The following FBXO25 variants were observed in gnomAD, a reference collection of about 807,000 sequenced individuals.
FBXO25 encodes F-box only protein 25.
In FBXO25, 45 loss-of-function variants were observed where a neutral mutation model predicts 51.9. That is an observed-to-expected ratio of 0.87 (90% CI 0.68 to 1.11). The LOEUF is 1.11. Among genes scored for constraint, FBXO25 ranks in the 50% most tolerant of loss-of-function variants. FBXO25 has a pLI of 0.00. For missense variants in FBXO25, 507 were observed against 428.5 expected, an observed-to-expected ratio of 1.18 and a Z score of -1.62; for synonymous variants, 199 against 151.0, an observed-to-expected ratio of 1.32 and a Z score of -2.33.
chr8:420,694 C>G (rs1490263634), intron 2 of FBXO25, among the ~76,000 whole-genome samples: 2 of 152,230 alleles, frequency 1.3e-5, no homozygotes, highest in Non-Finnish European at 2.9e-5. Flanking sequence ...GGCGTCCATA[C>G]TGTATGATTC....
chr8:421,025 A>G (rs1395795925), intron 2 of FBXO25, among the ~76,000 whole-genome samples: 5 of 152,222 alleles, frequency 3.3e-5, no homozygotes, highest in African/African-American at 2.4e-5. Context: ...CCCCTAGGCC[A>G]TGGATCGGTA....
Position 468,363 on chromosome 8 carries a change from C to G in FBXO25, c.988-352C>G, listed in dbSNP as rs1420057884. 4 of 775,824 alleles carry G rather than the reference C, an allele frequency of 5.2e-6. No homozygotes were observed. In the East Asian group the frequency reaches 5.1e-4, roughly 99 times the overall value. The allele number at this position is 775,824 out of a possible 1,614,324, so 48.1% of individuals were successfully genotyped here. On this transcript the variant is annotated intron_variant, in intron 9 of 9. Coordinates refer to ENST00000350302, the MANE Select transcript of FBXO25 (RefSeq NM_183420.2). ...GACAGGACAAAGGAATGGCTGGGACCAGAGGACAGAAAGTCCCCAGTGGTT... is the reference window on the plus strand; with the variant it reads ...GACAGGACAAAGGAATGGCTGGGACGAGAGGACAGAAAGTCCCCAGTGGTT...
chr8:451,115 C>G (rs1293191740), intron 6 of FBXO25, 154 bp from the exon 7 acceptor site: 2 of 612,054 alleles, frequency 3.3e-6, no homozygotes, highest in Admixed American at 3.5e-5. Context: ...GAATTTCCCT[C>G]CTTTTTAGGG....
intron 2 of FBXO25, among the ~76,000 whole-genome samples, chr8:423,054 A>T (rs532802725): frequency 2.0e-5 from 3 of 152,340 alleles, no homozygotes; most frequent in Non-Finnish European, 4.4e-5. Flanking sequence ...GTAGCTGTCC[A>T]GTTACTGCAG....
chr8:446,851 G>T (rs1405890645), intron 5 of FBXO25, among the ~76,000 whole-genome samples: 1 of 152,106 alleles, frequency 6.6e-6, no homozygotes, highest in Non-Finnish European at 1.5e-5. Flanking sequence ...AATGTTATTT[G>T]TGGCTCAGTA....
intron 4 of FBXO25, among the ~76,000 whole-genome samples, chr8:434,429 G>C (rs1197839100): frequency 1.3e-5 from 2 of 152,176 alleles, no homozygotes; most frequent in East Asian, 1.9e-4. Context: ...CCTTTCCCCA[G>C]AGTTCCCAGG....
chr8:464,340 T>C (rs1800012421), intron 9 of FBXO25, among the ~76,000 whole-genome samples: 1 of 151,582 alleles, frequency 6.6e-6, no homozygotes, highest in African/African-American at 2.4e-5. Context: ...AACATGTTTA[T>C]GTTGTGAGAT....
intron 9 of FBXO25, chr8:467,869 C>A: frequency 6.3e-7 from 1 of 1,581,290 alleles, no homozygotes; most frequent in South Asian, 1.2e-5. Flanking sequence ...CTTGAGCTTT[C>A]TCAGGACCCT....
At chr8:460,567 G>C (rs1799744571) in intron 8 of FBXO25, among the ~76,000 whole-genome samples, 3 of 152,210 alleles carry the variant, frequency 2.0e-5, no homozygotes. Context: ...TAATATGGAA[G>C]GAAAAGTCAG....
At chr8:443,526 C>A (rs1324628583) in intron 5 of FBXO25, among the ~76,000 whole-genome samples, 1 of 151,250 alleles carries the variant, frequency 6.6e-6, no homozygotes, top group African/African-American at 2.4e-5. Context: ...AAAATGGTTC[C>A]CAAGAAAAGC....
At chr8:445,488 G>A (rs1426116913) in intron 5 of FBXO25, among the ~76,000 whole-genome samples, 2 of 152,160 alleles carry the variant, frequency 1.3e-5, no homozygotes, top group Non-Finnish European at 1.5e-5. Flanking sequence ...TTGGTCATGT[G>A]AGTTATATCT....
intron 9 of FBXO25, among the ~76,000 whole-genome samples, chr8:464,113 A>T (rs1170753374): frequency 1.3e-5 from 2 of 151,948 alleles, no homozygotes; most frequent in African/African-American, 2.4e-5. Context: ...GGACCAGCTG[A>T]TTTTGTTTGT....
At chr8:455,361 C>T (rs1408453705) in intron 7 of FBXO25, among the ~76,000 whole-genome samples, 4 of 152,146 alleles carry the variant, frequency 2.6e-5, no homozygotes, top group African/African-American at 7.2e-5. Flanking sequence ...GAAGAATGAA[C>T]TTGGGGATAC....
chr8:476,986 T>C lies in FBXO25; in HGVS notation c.*8182T>C, dbSNP rs1312534868. The stretch of plus-strand genomic sequence containing the variant: ...CTTTGACTGTACCTGTTTTTTTGTA[T>C]ATTACATTTTTCATTTACCACAAGA... On this transcript the variant is annotated 3_prime_UTR_variant, in exon 10 of 10. Transcript: ENST00000350302. 1 of 125,670 alleles carries C rather than the reference T, an allele frequency of 8.0e-6. No individual in the cohort carries two copies. Among genetic ancestry groups the C allele is most frequent in the Non-Finnish European group, 1.6e-5 (1 of 62,994 alleles). 7.8% of individuals were successfully genotyped at this position (125,670 alleles called of 1,614,324 possible).
intron 2 of FBXO25, among the ~76,000 whole-genome samples, chr8:418,694 T>A (rs1267965387): frequency 6.6e-6 from 1 of 152,168 alleles, no homozygotes; most frequent in Non-Finnish European, 1.5e-5. Context: ...TTCCCCTGTT[T>A]ACACTTCTAA....
At chr8:441,621 G>T (rs1444419532) in intron 5 of FBXO25, among the ~76,000 whole-genome samples, 1 of 152,126 alleles carries the variant, frequency 6.6e-6, no homozygotes, top group Non-Finnish European at 1.5e-5. Flanking sequence ...CTATCCATCT[G>T]ACAAAGGGCT....
chr8:412,734 C>G (rs984120496), intron 1 of FBXO25, among the ~76,000 whole-genome samples: 6 of 152,222 alleles, frequency 3.9e-5, no homozygotes, highest in African/African-American at 1.4e-4. Flanking sequence ...CTTCTAACTT[C>G]TGGCAAAGAG....
At chr8:420,444 C>T (rs531055223) in intron 2 of FBXO25, 3 of 152,194 alleles carry the variant, frequency 2.0e-5, no homozygotes, top group African/African-American at 7.2e-5. Context: ...AGGTGTTTAC[C>T]CAAGGTAAGT....
chr8:474,063 T>C lies in FBXO25; in HGVS notation c.*5259T>C, dbSNP rs1436246573. 1.3e-5 allele frequency: 2 copies of C among 152,228 alleles called. No individual in the cohort carries two copies. The highest frequency in any genetic ancestry group is 4.8e-5 in the African/African-American group (2 of 41,410). The allele number at this position is 152,228 out of a possible 1,614,324, so 9.4% of individuals were successfully genotyped here. On this transcript the variant is annotated 3_prime_UTR_variant, in exon 10 of 10. Transcript: ENST00000350302. ...AAGTTCAACTTTACAAGATGAACTT[T>C]TGTCATCTTGTAAAACTGAAGCTCT...
Sources: gnomAD v4.1 joint callset for allele counts (sites outside exome capture counted in the v4.1 genomes callset) on GRCh38, gnomAD v4.1.1 for gene constraint, MANE v1.5 for transcripts, NCBI Gene and HGNC (gene_info 2026-07-23, HGNC 2026-07-21) for gene names.